The following RORA variants were observed in gnomAD, a reference collection of about 807,000 sequenced individuals.
RORA encodes the protein RAR related orphan receptor A.
Under a neutral mutation model 69.5 loss-of-function variants are expected in RORA, and 7 were observed. The ratio of observed to expected loss-of-function variants is 0.10; its 90% CI spans 0.06 to 0.19. RORA has a LOEUF of 0.19. Among genes scored for constraint, RORA ranks in the 10% least tolerant of loss-of-function variants. The pLI is 1.00. For missense variants in RORA, 457 were observed against 663.0 expected (o/e 0.69, Z 3.41); for synonymous variants, 261 against 240.8 (o/e 1.08, Z -0.78).
intron 2 of RORA, among the ~76,000 whole-genome samples, chr15:60,677,508 G>A (rs1004586385): frequency 2.0e-5 from 3 of 151,910 alleles, no homozygotes; most frequent in Non-Finnish European, 2.9e-5. Context: ...AGAGAGCCAC[G>A]TGGAGAGACT....
At chr15:60,700,544 G>A (rs2070967499) in intron 1 of RORA, among the ~76,000 whole-genome samples, 1 of 150,384 alleles carries the variant, frequency 6.6e-6, no homozygotes, top group Non-Finnish European at 1.5e-5. Context: ...TTCATGACGG[G>A]GAAAGAACAG....
At chr15:60,743,702 C>G (rs1271575553) in intron 1 of RORA, among the ~76,000 whole-genome samples, 1 of 152,214 alleles carries the variant, frequency 6.6e-6, no homozygotes, top group Non-Finnish European at 1.5e-5. Flanking sequence ...CAGTATGACT[C>G]TGATTCTAAG....
intron 1 of RORA, among the ~76,000 whole-genome samples, chr15:61,016,933 C>T (rs1409287728): frequency 4.6e-5 from 7 of 152,102 alleles, no homozygotes; most frequent in Admixed American, 6.5e-5. Context: ...CAGCCGAAGA[C>T]GTATGAATGA....
intron 1 of RORA, among the ~76,000 whole-genome samples, chr15:61,138,437 T>A (rs111916160): frequency 6.6e-6 from 1 of 152,194 alleles, no homozygotes; most frequent in African/African-American, 2.4e-5. Flanking sequence ...GTGCTTCATG[T>A]TGGCCGTCAT....
chr15:60,729,180 C>T (rs1034723013), intron 1 of RORA, among the ~76,000 whole-genome samples: 1 of 152,136 alleles, frequency 6.6e-6, no homozygotes, highest in African/African-American at 2.4e-5. Context: ...CTCACATCCC[C>T]CCACCCCACC....
At chr15:60,696,638 T>C (rs1236634655) in intron 1 of RORA, among the ~76,000 whole-genome samples, 1 of 152,212 alleles carries the variant, frequency 6.6e-6, no homozygotes, top group Non-Finnish European at 1.5e-5. Context: ...TGGGTGCTTC[T>C]GCTTACACAC....
At chr15:61,222,936 T>C (rs2080112211) in intron 1 of RORA, among the ~76,000 whole-genome samples, 1 of 152,204 alleles carries the variant, frequency 6.6e-6, no homozygotes, top group Admixed American at 6.5e-5. Flanking sequence ...AGTTTCTGTC[T>C]ACCATTAGAT....
chr15:60,815,757 A>G (rs998703366), intron 1 of RORA, among the ~76,000 whole-genome samples: 3 of 151,406 alleles, frequency 2.0e-5, no homozygotes, highest in Non-Finnish European at 4.4e-5. Context: ...TCATCTTTAG[A>G]TGCCCCCTCC....
chr15:61,201,082 A>T (rs1394185927), intron 1 of RORA, among the ~76,000 whole-genome samples: 2 of 152,176 alleles, frequency 1.3e-5, no homozygotes, highest in African/African-American at 2.4e-5. Context: ...CCATCCTTTG[A>T]ATTATATTCA....
intron 2 of RORA, chr15:60,593,603 A>C (rs953143210): frequency 1.3e-5 from 2 of 152,218 alleles, no homozygotes; most frequent in African/African-American, 4.8e-5. Flanking sequence ...CAGATGCTAC[A>C]TACCCAGAGT....
chr15:60,600,659 C>G lies in RORA; in HGVS notation c.197-68808G>C, dbSNP rs150046956. Reference sequence around the variant, plus strand: ...TAGATCCACATTTTAAAAAATCACTCTTCTCTTAAAATCTCTTCCTACATT... The same window carrying G: ...TAGATCCACATTTTAAAAAATCACTGTTCTCTTAAAATCTCTTCCTACATT... On this transcript the variant is annotated intron_variant, in intron 2 of 10. Transcript: ENST00000335670. Among the ~76,000 whole-genome samples the G allele has an allele frequency of 3.0e-3, 455 of 152,228 alleles. 2 individuals are homozygous for G. Among genetic ancestry groups the G allele is most frequent in the African/African-American group, 0.01 (432 of 41,554 alleles).
At position 60,491,051 on chromosome 15, in the gene RORA, T is replaced by TTA. The variant is rs1174768935; in HGVS notation, c.*6403_*6404insTA. Reference sequence around the variant, plus strand: ...CCTAATGTTTAAAAATTTACCACTGTTTAATATGAGATTTCAAACTGTGTG... The same window carrying TTA: ...CCTAATGTTTAAAAATTTACCACTGTTATTAATATGAGATTTCAAACTGTGTG... On this transcript the variant is annotated 3_prime_UTR_variant, in exon 11 of 11. Transcript: ENST00000335670. 1 of 152,146 alleles carries TTA rather than the reference T, an allele frequency of 6.6e-6. No individual in the cohort carries two copies. Among genetic ancestry groups the TTA allele is most frequent in the Non-Finnish European group, 1.5e-5 (1 of 67,996 alleles). 9.4% of individuals were successfully genotyped at this position (152,146 alleles called of 1,614,324 possible).
intron 1 of RORA, among the ~76,000 whole-genome samples, chr15:61,135,954 G>GT (rs1318873271): frequency 1.3e-5 from 2 of 152,232 alleles, no homozygotes; most frequent in African/African-American, 4.8e-5. Flanking sequence ...ATGGAAAGCT[G>GT]TGAGGGGAAA....
intron 1 of RORA, among the ~76,000 whole-genome samples, chr15:60,878,170 C>CAAAAAAAAAA (rs11362081): frequency 1.1e-3 from 73 of 69,384 alleles, no homozygotes; most frequent in Non-Finnish European, 1.6e-3. Context: ...ACTAAAAATA[C>CAAAAAAAAAA]AAAAAAAAAA....
At position 61,154,717 on chromosome 15, in the gene RORA, G is replaced by T. The variant is rs2079427610; in HGVS notation, c.166+74336C>A. Among the ~76,000 whole-genome samples, 3 of 152,194 alleles carry T rather than the reference G, an allele frequency of 2.0e-5. No individual in the cohort carries two copies. The South Asian group carries it at 6.2e-4, about 32-fold the overall frequency. On this transcript the variant is annotated intron_variant, in intron 1 of 10. Coordinates refer to ENST00000335670, the MANE Select transcript of RORA (RefSeq NM_134261.3). ...TCTGGTATGTTTCATCAAGTGGGAA[G>T]GAAAATGGTGGTCTTAGAGCTAGGG...
chr15:61,179,420 T>C (rs1374231796), intron 1 of RORA, among the ~76,000 whole-genome samples: 1 of 152,250 alleles, frequency 6.6e-6, no homozygotes, highest in South Asian at 2.1e-4. Context: ...CTCTTCTAAC[T>C]GGTTTTTGTT....
chr15:60,610,862 T>G (rs1166980481), intron 2 of RORA, among the ~76,000 whole-genome samples: 1 of 152,292 alleles, frequency 6.6e-6, no homozygotes, highest in East Asian at 1.9e-4. Context: ...TAAATTGCAT[T>G]GTGGAGATAA....
At chr15:60,771,535 C>T (rs1003141709) in intron 1 of RORA, among the ~76,000 whole-genome samples, 1 of 152,192 alleles carries the variant, frequency 6.6e-6, no homozygotes, top group Admixed American at 6.5e-5. Context: ...TCAAGGGATA[C>T]CTAGTGATAG....
At chr15:61,032,917 C>T (rs1272724069) in intron 1 of RORA, among the ~76,000 whole-genome samples, 3 of 152,128 alleles carry the variant, frequency 2.0e-5, no homozygotes, top group Non-Finnish European at 2.9e-5. Context: ...ATGATAATAG[C>T]TATAATTTAT....
Sources: gnomAD v4.1 joint callset for allele counts (sites outside exome capture counted in the v4.1 genomes callset) on GRCh38, gnomAD v4.1.1 for gene constraint, MANE v1.5 for transcripts, NCBI Gene and HGNC (gene_info 2026-07-23, HGNC 2026-07-21) for gene names.